The following PAQR5 variants were observed in gnomAD, a reference collection of about 807,000 sequenced individuals.
PAQR5 encodes membrane progestin receptor gamma.
PAQR5 carries 20 observed loss-of-function variants against 34.5 expected under a neutral mutation model. The observed-to-expected ratio is 0.58, with a 90% CI of 0.41 to 0.84. The LOEUF (loss-of-function observed/expected upper bound fraction) is 0.84, where lower values mean the gene tolerates loss of function less well. Ranked by LOEUF, PAQR5 falls within the 40% of genes least tolerant of loss-of-function variation. The pLI, the probability that PAQR5 is intolerant of heterozygous loss-of-function variation, is 0.00. For synonymous variants in PAQR5, 131 were observed against 155.6 expected (o/e 0.84, Z 1.18); for missense variants, 378 against 412.7 (o/e 0.92, Z 0.73).
In PAQR5 at chr15:69,345,571, ACCT is replaced by A. The variant is rs370033162; in HGVS notation, c.-116+8074_-116+8076del. Among the ~76,000 whole-genome samples, 389 of 151,642 alleles carry A rather than the reference ACCT, an allele frequency of 2.6e-3. 2 individuals carry two copies. Among genetic ancestry groups the A allele is most frequent in the African/African-American group, 9.1e-3 (375 of 41,294 alleles). On this transcript the variant is annotated intron_variant, in intron 2 of 8. Transcript: ENST00000395407. ...TCAAATGGAAAGGTTTTAGCCTGAAACCTCCTGAGGGTGATTTTGCTGTTGATT... is the reference window on the plus strand; with the variant it reads ...TCAAATGGAAAGGTTTTAGCCTGAAACCTGAGGGTGATTTTGCTGTTGATT...
In PAQR5 at chr15:69,322,142, A is replaced by C. The variant is rs1219380439; in HGVS notation, c.-276-15199A>C. On this transcript the variant is annotated intron_variant, in intron 1 of 8. Coordinates refer to ENST00000395407, the MANE Select transcript of PAQR5 (RefSeq NM_017705.4). ...GTCACTTGAGACCAGCCTGGGCAAC[A>C]TAGTGAGACCCCATTTCTAAAAAAA... Among the ~76,000 whole-genome samples the C allele has an allele frequency of 7.3e-5, 10 of 137,888 alleles. No individual in the cohort carries two copies. In the South Asian group the frequency reaches 9.0e-4, roughly 12 times the overall value. 90.5% of individuals were successfully genotyped at this position (137,888 alleles called of 152,430 possible).
chr15:69,323,470 C>T (rs1422398363), intron 1 of PAQR5, among the ~76,000 whole-genome samples: 3 of 152,136 alleles, frequency 2.0e-5, no homozygotes, highest in Non-Finnish European at 4.4e-5. Flanking sequence ...GCTCCTGGGC[C>T]AGAGGCAGGA....
intron 1 of PAQR5, among the ~76,000 whole-genome samples, chr15:69,327,818 T>C (rs1030426761): frequency 2.6e-5 from 4 of 152,100 alleles, no homozygotes; most frequent in Non-Finnish European, 4.4e-5. Flanking sequence ...CCTTGGGAGC[T>C]GCCCCATAGA....
chr15:69,372,802 A>G (rs1012572565), intron 3 of PAQR5, among the ~76,000 whole-genome samples: 2 of 152,166 alleles, frequency 1.3e-5, no homozygotes, highest in Non-Finnish European at 2.9e-5. Flanking sequence ...ATGCCACCAT[A>G]CTTAGCACTA....
At chr15:69,398,742 G>A (rs1290394434) in intron 7 of PAQR5, among the ~76,000 whole-genome samples, 2 of 152,234 alleles carry the variant, frequency 1.3e-5, no homozygotes, top group Non-Finnish European at 2.9e-5. Flanking sequence ...AGAGCAGACA[G>A]AGCAATTCTG....
chr15:69,305,193 C>T (rs2053687518), intron 1 of PAQR5, among the ~76,000 whole-genome samples: 1 of 152,124 alleles, frequency 6.6e-6, no homozygotes, highest in Admixed American at 6.6e-5. Flanking sequence ...AGACACTGCA[C>T]CATCACATCC....
At chr15:69,342,060 C>T (rs1254596193) in intron 2 of PAQR5, among the ~76,000 whole-genome samples, 1 of 152,050 alleles carries the variant, frequency 6.6e-6, no homozygotes, top group East Asian at 1.9e-4. Context: ...ATAGCTATTG[C>T]ACCACTTTAC....
At chr15:69,397,316 A>T in intron 6 of PAQR5, 152 bp from the exon 7 acceptor site, 1 of 714,860 alleles carries the variant, frequency 1.4e-6, no homozygotes, top group Non-Finnish European at 2.6e-6. Flanking sequence ...GGAATGGACG[A>T]GGCTGGTGGA....
chr15:69,322,787 C>A (rs12591054), intron 1 of PAQR5, among the ~76,000 whole-genome samples: 8,926 of 36,618 alleles, frequency 0.24, 2,649 homozygotes, highest in African/African-American at 0.38. Context: ...AAGAAGAAGA[C>A]GAGGAAGAAG....
intron 2 of PAQR5, among the ~76,000 whole-genome samples, chr15:69,352,148 A>G (rs765708853): frequency 1.9e-4 from 29 of 152,180 alleles, no homozygotes; most frequent in Admixed American, 6.5e-4. Context: ...GCAGGCCCCT[A>G]TAGGTGAACT....
intron 4 of PAQR5, among the ~76,000 whole-genome samples, chr15:69,381,619 G>A (rs1229436626): frequency 6.6e-6 from 1 of 152,096 alleles, no homozygotes; most frequent in Non-Finnish European, 1.5e-5. Flanking sequence ...CTCCAGCACT[G>A]CCTATGCACT....
intron 2 of PAQR5, among the ~76,000 whole-genome samples, chr15:69,341,146 G>A (rs1213422716): frequency 6.6e-6 from 1 of 151,836 alleles, no homozygotes; most frequent in Non-Finnish European, 1.5e-5. Context: ...TAGAAACTAC[G>A]TATCCCTTAA....
At chr15:69,380,057 G>T (rs779074909) in intron 4 of PAQR5, 47 bp downstream of exon 4, 16 of 1,604,456 alleles carry the variant, frequency 1.0e-5, no homozygotes, top group Non-Finnish European at 1.3e-5. Context: ...AGGAGCCCTG[G>T]AGACCAGGGT....
chr15:69,344,241 T>C (rs2054711192), intron 2 of PAQR5, among the ~76,000 whole-genome samples: 2 of 152,258 alleles, frequency 1.3e-5, no homozygotes, highest in African/African-American at 4.8e-5. Flanking sequence ...CTTCTAGTTG[T>C]ATTCAAACCA....
chr15:69,367,798 A>G (rs1292302116), intron 3 of PAQR5, among the ~76,000 whole-genome samples: 1 of 152,232 alleles, frequency 6.6e-6, no homozygotes, highest in Non-Finnish European at 1.5e-5. Context: ...GGGATTGTGC[A>G]GAAGGAGAAG....
rs570501509 is a variant in PAQR5 at position 69,390,491 on chromosome 15, G to C, written c.512+711G>C. Among the ~76,000 whole-genome samples the C allele has an allele frequency of 2.0e-5, 3 of 152,048 alleles. No individual in the cohort carries two copies. In the South Asian group the frequency reaches 6.2e-4, roughly 32 times the overall value. ...TAATTTGTAATAATTTTTGAACAGGGAGGTCCCTGCTCTTTGATTCGGTAC... is the reference window on the plus strand; with the variant it reads ...TAATTTGTAATAATTTTTGAACAGGCAGGTCCCTGCTCTTTGATTCGGTAC... On this transcript the variant is annotated intron_variant, in intron 6 of 8. Transcript: ENST00000395407.
intron 3 of PAQR5, 57 bp from the exon 4 acceptor site, chr15:69,379,826 A>G: frequency 6.3e-7 from 1 of 1,583,782 alleles, no homozygotes; most frequent in Non-Finnish European, 8.6e-7. Context: ...GTTTCTCCAG[A>G]GACCTTCGTG....
intron 6 of PAQR5, among the ~76,000 whole-genome samples, chr15:69,392,442 A>G (rs563556192): frequency 3.2e-4 from 49 of 152,292 alleles, no homozygotes; most frequent in African/African-American, 1.0e-3. Flanking sequence ...CCCTTTGCCA[A>G]TGAAATGGGT....
At chr15:69,357,153 T>C (rs997982789) in intron 2 of PAQR5, among the ~76,000 whole-genome samples, 24 of 151,998 alleles carry the variant, frequency 1.6e-4, no homozygotes, top group African/African-American at 5.8e-4. Flanking sequence ...TCCTGCAGCC[T>C]CCCTAGAAGC....
Sources: gnomAD v4.1 joint callset for allele counts (sites outside exome capture counted in the v4.1 genomes callset) on GRCh38, gnomAD v4.1.1 for gene constraint, MANE v1.5 for transcripts, NCBI Gene and HGNC (gene_info 2026-07-23, HGNC 2026-07-21) for gene names.